The following NAA60 variants were observed in gnomAD, a reference collection of about 807,000 sequenced individuals.
The protein encoded by NAA60 is N-alpha-acetyltransferase 60.
In NAA60, 8 loss-of-function variants were observed where a neutral mutation model predicts 26.1. The ratio of observed to expected loss-of-function variants is 0.31; its 90% CI spans 0.18 to 0.55. The LOEUF (loss-of-function observed/expected upper bound fraction) is 0.55, where lower values mean the gene tolerates loss of function less well. Among genes scored for constraint, NAA60 ranks in the 20% least tolerant of loss-of-function variants. The pLI is 0.93. For missense variants in NAA60, 290 were observed against 311.3 expected (o/e 0.93, Z 0.51); for synonymous variants, 131 against 122.5 (o/e 1.07, Z -0.46).
chr16:3,483,421 C>T lies in NAA60; in HGVS notation c.396C>T (p.Cys132=). The change falls in exon 6 of 8, where the codon TGC becomes TGT. Residue 132 remains cysteine (C), a synonymous_variant. Transcript: ENST00000407558. ...TATCAACCACCGCCCAGGACCACTGCAAAGCCATTTACCTGCATGTCCTCA... is the reference window on the plus strand; with the variant it reads ...TATCAACCACCGCCCAGGACCACTGTAAAGCCATTTACCTGCATGTCCTCA... ...DHISTTAQDH[C]KAIYLHVLTT... is the part of the protein sequence containing the mutation. 6.2e-7 allele frequency: 1 copy of T among 1,613,930 alleles called. No individual in the cohort carries two copies. Among genetic ancestry groups the T allele is most frequent in the Non-Finnish European group, 8.5e-7 (1 of 1,179,864 alleles).
At chr16:3,481,059 C>A (rs555644454) in intron 4 of NAA60, among the ~76,000 whole-genome samples, 1 of 152,208 alleles carries the variant, frequency 6.6e-6, no homozygotes, top group Admixed American at 6.5e-5. Context: ...TCCTCCTGAG[C>A]TTTTTTCTTT....
intron 2 of NAA60, among the ~76,000 whole-genome samples, chr16:3,460,841 A>G (rs950457886): frequency 6.6e-5 from 10 of 152,260 alleles, no homozygotes; most frequent in African/African-American, 2.4e-4. Flanking sequence ...CAAATGCCGA[A>G]TTTGATTCAG....
intron 2 of NAA60, among the ~76,000 whole-genome samples, chr16:3,463,405 C>A (rs1329352943): frequency 6.6e-6 from 1 of 151,184 alleles, no homozygotes; most frequent in East Asian, 1.9e-4. Flanking sequence ...CAAAAATTAC[C>A]TGAGTGTAGT....
Position 3,484,695 on chromosome 16 carries a change from C to G in NAA60, c.573-4C>G. On this transcript the variant is annotated splice_polypyrimidine_tract_variant and splice_region_variant and intron_variant, in intron 6 of 7. Transcript: ENST00000407558. ...AGTCGGAATCTTCCTTAACAGAGCC[C>G]CACGGACTACATCCAGCACCTGGGC... The G allele has an allele frequency of 6.3e-7, 1 of 1,586,992 alleles. No individual in the cohort carries two copies. The highest frequency in any genetic ancestry group is 8.6e-7 in the Non-Finnish European group (1 of 1,167,758).
intron 2 of NAA60, among the ~76,000 whole-genome samples, chr16:3,469,030 G>A (rs567138447): frequency 1.3e-4 from 20 of 150,662 alleles, no homozygotes; most frequent in Non-Finnish European, 2.7e-4. Flanking sequence ...AAGTTGCAGT[G>A]AGCCAAGATC....
At chr16:3,446,855 C>G (rs1409068598) in intron 1 of NAA60, among the ~76,000 whole-genome samples, 2 of 152,072 alleles carry the variant, frequency 1.3e-5, no homozygotes, top group African/African-American at 4.8e-5. Context: ...AAGTGATCCG[C>G]CCATGTCAGC....
intron 2 of NAA60, among the ~76,000 whole-genome samples, chr16:3,473,533 T>C (rs2036282899): frequency 6.6e-6 from 1 of 152,142 alleles, no homozygotes; most frequent in Non-Finnish European, 1.5e-5. Flanking sequence ...TGTGGGAATT[T>C]TGGGAGCTAC....
intron 2 of NAA60, among the ~76,000 whole-genome samples, chr16:3,453,132 C>T (rs1167942385): frequency 3.3e-5 from 5 of 151,794 alleles, no homozygotes; most frequent in African/African-American, 7.3e-5. Context: ...TAATTTTACT[C>T]ACGCCTGTAA....
At chr16:3,457,998 G>C in intron 2 of NAA60, 1 of 985,374 alleles carries the variant, frequency 1.0e-6, no homozygotes, top group South Asian at 4.7e-5. Context: ...GGGCTTCCGG[G>C]CTGCGCTGCC....
chr16:3,464,691 C>T (rs2035627094), intron 2 of NAA60, among the ~76,000 whole-genome samples: 1 of 152,162 alleles, frequency 6.6e-6, no homozygotes. Context: ...CTCCCATGTG[C>T]CCCCAAACCT....
chr16:3,478,355 A>G (rs1014041720), intron 3 of NAA60, among the ~76,000 whole-genome samples: 1 of 152,240 alleles, frequency 6.6e-6, no homozygotes, highest in Non-Finnish European at 1.5e-5. Context: ...CCTGAGAGCC[A>G]GTGGAGCCAC....
chr16:3,444,566 C>T (rs1200957881), intron 1 of NAA60, among the ~76,000 whole-genome samples: 1 of 152,124 alleles, frequency 6.6e-6, no homozygotes, highest in Non-Finnish European at 1.5e-5. Flanking sequence ...TGAATGGCTG[C>T]ATGGTTATTA....
chr16:3,466,723 G>T (rs1485341005), intron 2 of NAA60, among the ~76,000 whole-genome samples: 4 of 152,166 alleles, frequency 2.6e-5, no homozygotes, highest in Non-Finnish European at 5.9e-5. Flanking sequence ...GGGCAGGACT[G>T]GGGTGGTGCT....
At chr16:3,456,783 C>T (rs191558102) in intron 2 of NAA60, 4 of 152,114 alleles carry the variant, frequency 2.6e-5, no homozygotes, top group African/African-American at 4.8e-5. Context: ...CAGTTTGACA[C>T]GCAGACTCAA....
At chr16:3,446,530 GAAA>G (rs200188990) in intron 1 of NAA60, among the ~76,000 whole-genome samples, 2 of 81,852 alleles carry the variant, frequency 2.4e-5, no homozygotes, top group Non-Finnish European at 2.5e-5. Flanking sequence ...GACTCTGTCT[GAAA>G]AAAAAAAAAA....
intron 2 of NAA60, among the ~76,000 whole-genome samples, chr16:3,471,378 C>G (rs2036132767): frequency 6.6e-6 from 1 of 152,056 alleles, no homozygotes; most frequent in South Asian, 2.1e-4. Flanking sequence ...TAGCAGGCCC[C>G]TGTGGTCTCA....
intron 2 of NAA60, among the ~76,000 whole-genome samples, chr16:3,468,959 G>C (rs1351673617): frequency 6.6e-6 from 1 of 152,074 alleles, no homozygotes. Flanking sequence ...GGTGGCACAT[G>C]CCTGTAATCC....
chr16:3,457,641 C>T lies in NAA60; in HGVS notation c.-7+9101C>T, dbSNP rs186859070. 3.6e-3 allele frequency among the ~76,000 whole-genome samples: 546 copies of T among 152,338 alleles called. 4 individuals carry two copies. The highest frequency in any genetic ancestry group is 0.012 in the African/African-American group (493 of 41,584). On this transcript the variant is annotated intron_variant, in intron 2 of 7. Transcript: ENST00000407558. ...GCCAGGAGCCAGCCTTGTGCACCTG[C>T]TTTCAGTTGTTGGCCAGCCCCGGCG...
intron 2 of NAA60, among the ~76,000 whole-genome samples, chr16:3,459,977 G>A (rs780949075): frequency 2.0e-5 from 3 of 152,208 alleles, no homozygotes; most frequent in African/African-American, 2.4e-5. Context: ...CACCTAAAAG[G>A]AGACCAGGAG....
Sources: allele counts gnomAD v4.1 joint callset (sites outside exome capture counted in the v4.1 genomes callset), GRCh38; gene constraint gnomAD v4.1.1; transcripts MANE v1.5; gene names NCBI Gene and HGNC (gene_info 2026-07-23, HGNC 2026-07-21).